The following EYS variants were observed in gnomAD, a reference collection of about 807,000 sequenced individuals.
The protein encoded by EYS is EGF-like photoreceptor maintenance factor.
EYS carries 250 observed loss-of-function variants against 282.1 expected under a neutral mutation model. The observed-to-expected ratio is 0.89, with a 90% CI of 0.80 to 0.98. The LOEUF (loss-of-function observed/expected upper bound fraction) is 0.98, where lower values mean the gene tolerates loss of function less well. Among genes scored for constraint, EYS ranks in the 50% least tolerant of loss-of-function variants. The pLI is 0.00. For missense variants in EYS, 4,016 were observed against 3,709.0 expected (o/e 1.08, Z -2.15); for synonymous variants, 1,355 against 1,282.9 (o/e 1.06, Z -1.20).
intron 2 of EYS, among the ~76,000 whole-genome samples, chr6:65,608,774 T>C (rs1765891177): frequency 6.6e-6 from 1 of 152,014 alleles, no homozygotes; most frequent in Non-Finnish European, 1.5e-5. Flanking sequence ...CGTTTGTAGT[T>C]TCTAAACTTT....
chr6:63,922,572 T>C (rs1023789607), intron 35 of EYS, among the ~76,000 whole-genome samples: 8 of 151,824 alleles, frequency 5.3e-5, no homozygotes, highest in Non-Finnish European at 8.8e-5. Context: ...CAAAAAAAAA[T>C]TCAGGTCTAG....
At chr6:63,725,165 T>C (rs991060792) in intron 42 of EYS, among the ~76,000 whole-genome samples, 2 of 152,146 alleles carry the variant, frequency 1.3e-5, no homozygotes, top group African/African-American at 2.4e-5. Context: ...GCAGCATCAA[T>C]CGTGTGAAAC....
At chr6:65,548,042 AC>A in intron 2 of EYS, among the ~76,000 whole-genome samples, 1 of 152,220 alleles carries the variant, frequency 6.6e-6, no homozygotes, top group East Asian at 1.9e-4. Context: ...CTTTAGTCAG[AC>A]TTCTCTCCTT....
rs1311050744 is a variant in EYS at position 65,270,167 on chromosome 6, C to A, written c.2023+25696G>T. ...GTGCATCCAAGCTACAATAGTAGGACAGGCATAAGATAAACATTCTCATTC... is the reference window on the plus strand; with the variant it reads ...GTGCATCCAAGCTACAATAGTAGGAAAGGCATAAGATAAACATTCTCATTC... On this transcript the variant is annotated intron_variant, in intron 12 of 42. Transcript: ENST00000503581. 2.6e-5 allele frequency among the ~76,000 whole-genome samples: 4 copies of A among 152,106 alleles called. No individual in the cohort carries two copies. In the East Asian group the frequency reaches 7.7e-4, roughly 29 times the overall value.
intron 5 of EYS, among the ~76,000 whole-genome samples, chr6:65,449,340 C>T (rs570219912): frequency 6.6e-6 from 1 of 151,970 alleles, no homozygotes; most frequent in Non-Finnish European, 1.5e-5. Flanking sequence ...AGGTGAAGAA[C>T]TTTCTAATTA....
Position 64,359,549 on chromosome 6 carries a change from C to T in EYS, c.6078+29141G>A, listed in dbSNP as rs576008124. The stretch of plus-strand genomic sequence containing the variant: ...ATTAGTCCTTATCTCAGTTCTTCGG[C>T]ATCTGTAACAAAGGGCCATAGACTG... On this transcript the variant is annotated intron_variant, in intron 29 of 42. Coordinates refer to ENST00000503581, the MANE Select transcript of EYS (RefSeq NM_001142800.2). Among the ~76,000 whole-genome samples the T allele has an allele frequency of 7.0e-4, 107 of 151,818 alleles. 3 individuals carry two copies. In the South Asian group the frequency reaches 0.02, roughly 29 times the overall value.
chr6:64,830,457 T>C (rs1302656807), intron 19 of EYS, among the ~76,000 whole-genome samples: 2 of 151,896 alleles, frequency 1.3e-5, no homozygotes, highest in African/African-American at 2.4e-5. Context: ...TTGTCATTCA[T>C]GAACAAACAA....
At chr6:64,818,405 C>A (rs72648374) in intron 21 of EYS, among the ~76,000 whole-genome samples, 4,994 of 152,034 alleles carry the variant, frequency 0.033, 218 homozygotes, top group East Asian at 0.25. Flanking sequence ...AGAAACAGGA[C>A]GAATAGGATA....
chr6:64,751,784 T>C lies in EYS; in HGVS notation c.3443+61594A>G, dbSNP rs562927651. 4.6e-5 allele frequency among the ~76,000 whole-genome samples: 7 copies of C among 152,270 alleles called. No homozygotes were observed. The South Asian group carries it at 1.4e-3, about 32-fold the overall frequency. The stretch of plus-strand genomic sequence containing the variant: ...AACATAAACTTGCCAAGACCTCTGC[T>C]ATCACAGCCCCATATGTGGCAGCAA... On this transcript the variant is annotated intron_variant, in intron 22 of 42. Coordinates refer to ENST00000503581, the MANE Select transcript of EYS (RefSeq NM_001142800.2).
At chr6:64,096,133 A>G (rs1450540683) in intron 31 of EYS, among the ~76,000 whole-genome samples, 1 of 152,168 alleles carries the variant, frequency 6.6e-6, no homozygotes, top group Non-Finnish European at 1.5e-5. Context: ...TGTTAGTATG[A>G]TGGGCTTCCC....
In EYS at chr6:64,980,675, A is replaced by G. The variant is rs1331301310; in HGVS notation, c.2259+16907T>C. Among the ~76,000 whole-genome samples the G allele has an allele frequency of 3.3e-5, 5 of 151,376 alleles. No homozygotes were observed. The Admixed American group carries it at 3.3e-4, about 10-fold the overall frequency. The stretch of plus-strand genomic sequence containing the variant: ...CTTTGTTATGTTTTATGGTGAGACA[A>G]TATAAGAATATCAAGGGAAAAATAT... On this transcript the variant is annotated intron_variant, in intron 14 of 42. Transcript: ENST00000503581.
rs575850939 is a variant in EYS, at chr6:64,336,041, C to T, written c.6079-28959G>A. On this transcript the variant is annotated intron_variant, in intron 29 of 42. Coordinates refer to ENST00000503581, the MANE Select transcript of EYS (RefSeq NM_001142800.2). ...TAGAAATTCTTTAAAGCATAAATCA[C>T]ACATGACGTATAAAATGAGAATACA... Among the ~76,000 whole-genome samples, 28 of 152,044 alleles carry T rather than the reference C, an allele frequency of 1.8e-4. No individual in the cohort carries two copies. In the South Asian group the frequency reaches 5.8e-3, roughly 32 times the overall value.
At chr6:64,286,429 G>A (rs1285024351) in intron 30 of EYS, among the ~76,000 whole-genome samples, 1 of 152,168 alleles carries the variant, frequency 6.6e-6, no homozygotes, top group African/African-American at 2.4e-5. Flanking sequence ...TCAATTGAGA[G>A]TTAGTTAAAT....
chr6:63,816,964 GTCTTT>G (rs369461611), intron 36 of EYS, among the ~76,000 whole-genome samples: 166 of 152,270 alleles, frequency 1.1e-3, no homozygotes, highest in African/African-American at 3.7e-3. Flanking sequence ...ACTTCTTAAA[GTCTTT>G]TCTTTTATTG....
At position 65,476,056 on chromosome 6, in the gene EYS, T is replaced by C. The variant is rs529861763; in HGVS notation, c.862+14538A>G. Among the ~76,000 whole-genome samples, 4 of 152,008 alleles carry C rather than the reference T, an allele frequency of 2.6e-5. No homozygotes were observed. The South Asian group carries it at 8.3e-4, about 31-fold the overall frequency. ...GTCAGGGAGAAGATATGAGGATTAC[T>C]CTCTTATTAAAAAAAAATTTAAAAA... On this transcript the variant is annotated intron_variant, in intron 5 of 42. Coordinates refer to ENST00000503581, the MANE Select transcript of EYS (RefSeq NM_001142800.2).
At chr6:65,111,390 T>C (rs948450909) in intron 12 of EYS, among the ~76,000 whole-genome samples, 1 of 152,180 alleles carries the variant, frequency 6.6e-6, no homozygotes, top group Admixed American at 6.6e-5. Flanking sequence ...AACCCCCAAA[T>C]TTATTGAGAA....
At chr6:64,823,919 G>C (rs1174949607) in intron 19 of EYS, among the ~76,000 whole-genome samples, 1 of 151,890 alleles carries the variant, frequency 6.6e-6, no homozygotes, top group African/African-American at 2.4e-5. Context: ...ATACCTAGTT[G>C]TGAATAAAGA....
chr6:63,833,818 G>T (rs1764071341), intron 36 of EYS, among the ~76,000 whole-genome samples: 1 of 152,090 alleles, frequency 6.6e-6, no homozygotes, highest in Non-Finnish European at 1.5e-5. Flanking sequence ...TATACTACAA[G>T]GCTACAGTAA....
intron 7 of EYS, among the ~76,000 whole-genome samples, chr6:65,389,244 C>T (rs1321125947): frequency 2.0e-5 from 3 of 152,102 alleles, no homozygotes; most frequent in African/African-American, 7.2e-5. Context: ...CAAAGGCATT[C>T]ATGATCTAAA....
Sources: allele counts gnomAD v4.1 joint callset (sites outside exome capture counted in the v4.1 genomes callset), GRCh38; gene constraint gnomAD v4.1.1; transcripts MANE v1.5; gene names NCBI Gene and HGNC (gene_info 2026-07-23, HGNC 2026-07-21).